Variants in FBXL7 observed in about 807,000 individuals in gnomAD.
The protein encoded by FBXL7 is F-box/LRR-repeat protein 7.
In FBXL7, 12 loss-of-function variants were observed where a neutral mutation model predicts 38.3. The ratio of observed to expected loss-of-function variants is 0.31; its 90% confidence interval spans 0.20 to 0.51. The LOEUF (loss-of-function observed/expected upper bound fraction) is 0.51, where lower values mean the gene tolerates loss of function less well. Among genes scored for constraint, FBXL7 ranks in the 20% least tolerant of loss-of-function variants. The probability of loss-of-function intolerance (pLI) is 0.98; values close to 1 mark genes in which losing one functional copy is unlikely to be tolerated. For synonymous variants in FBXL7, 297 were observed against 300.9 expected (o/e 0.99, Z 0.13); for missense variants, 567 against 676.4 (o/e 0.84, Z 1.79).
In FBXL7 at chr5:15,555,823, G is replaced by A. The variant is rs1327094164; in HGVS notation, c.37+55110G>A. Among the ~76,000 whole-genome samples, 14 of 107,252 alleles carry A rather than the reference G, an allele frequency of 1.3e-4. 1 individual carries two copies. The South Asian group carries it at 4.0e-3, about 31-fold the overall frequency. 70.4% of individuals were successfully genotyped at this position (107,252 alleles called of 152,430 possible). On this transcript the variant is annotated intron_variant, in intron 1 of 3. Transcript: ENST00000504595. ...GATAGATAGATAGATAGATAGATAGGTGATAGATGAAAGATAGACACAGCA... is the reference window on the plus strand; with the variant it reads ...GATAGATAGATAGATAGATAGATAGATGATAGATGAAAGATAGACACAGCA...
At chr5:15,781,645 C>T (rs1736996131) in intron 2 of FBXL7, among the ~76,000 whole-genome samples, 1 of 151,838 alleles carries the variant, frequency 6.6e-6, no homozygotes, top group Admixed American at 6.6e-5. Context: ...AGCATTCAAG[C>T]TTTTAAAGTA....
intron 2 of FBXL7, among the ~76,000 whole-genome samples, chr5:15,651,689 A>G (rs12657658): frequency 6.6e-6 from 1 of 152,242 alleles, no homozygotes; most frequent in Non-Finnish European, 1.5e-5. Flanking sequence ...TAAATTTAGC[A>G]TAATTCATCA....
At chr5:15,914,162 G>A (rs972613040) in intron 2 of FBXL7, among the ~76,000 whole-genome samples, 2 of 152,016 alleles carry the variant, frequency 1.3e-5, no homozygotes, top group South Asian at 2.1e-4. Flanking sequence ...CGAGGCGGGC[G>A]GATCTCGAGG....
At chr5:15,634,532 G>C (rs1409026796) in intron 2 of FBXL7, among the ~76,000 whole-genome samples, 1 of 151,620 alleles carries the variant, frequency 6.6e-6, no homozygotes, top group Non-Finnish European at 1.5e-5. Context: ...CTAGGGCCAG[G>C]CTGGTGTCGA....
At chr5:15,801,634 A>T (rs906347564) in intron 2 of FBXL7, among the ~76,000 whole-genome samples, 25 of 147,788 alleles carry the variant, frequency 1.7e-4, no homozygotes, top group Non-Finnish European at 2.2e-4. Flanking sequence ...AGGGGGAGTC[A>T]GTGTGTGTGT....
intron 2 of FBXL7, among the ~76,000 whole-genome samples, chr5:15,885,054 G>T (rs187433820): frequency 7.8e-4 from 119 of 152,266 alleles, no homozygotes; most frequent in South Asian, 1.4e-3. Context: ...ACTGCTTGGC[G>T]CCAGCTGCAT....
At chr5:15,568,123 T>G (rs1171952935) in intron 1 of FBXL7, among the ~76,000 whole-genome samples, 139 of 152,114 alleles carry the variant, frequency 9.1e-4, no homozygotes, top group African/African-American at 2.7e-3. Flanking sequence ...GTAATGGGAT[T>G]GCTGGGTCAA....
At chr5:15,833,128 C>T (rs777992537) in intron 2 of FBXL7, among the ~76,000 whole-genome samples, 8 of 152,066 alleles carry the variant, frequency 5.3e-5, no homozygotes. Context: ...TTGTAAATTG[C>T]GTCAGTCTCG....
intron 2 of FBXL7, among the ~76,000 whole-genome samples, chr5:15,633,739 A>ATCTTAT (rs1741073154): frequency 1.4e-5 from 2 of 143,428 alleles, no homozygotes; most frequent in Non-Finnish European, 1.5e-5. Context: ...AGGGACACAG[A>ATCTTAT]TATTATTATT....
chr5:15,708,316 C>G (rs953689937), intron 2 of FBXL7, among the ~76,000 whole-genome samples: 5 of 152,220 alleles, frequency 3.3e-5, no homozygotes, highest in Admixed American at 3.3e-4. Flanking sequence ...GGGTCTCTCA[C>G]TGGGTTCCCA....
At chr5:15,596,842 G>C (rs1739637965) in intron 1 of FBXL7, among the ~76,000 whole-genome samples, 1 of 152,194 alleles carries the variant, frequency 6.6e-6, no homozygotes, top group Admixed American at 6.5e-5. Flanking sequence ...TGCACCCAGA[G>C]AGGGCATGGA....
Position 15,817,101 on chromosome 5 carries a change from G to A in FBXL7, c.128-110789G>A, listed in dbSNP as rs542394411. Among the ~76,000 whole-genome samples the A allele has an allele frequency of 1.2e-4, 18 of 152,214 alleles. No homozygotes were observed. In the South Asian group the frequency reaches 1.7e-3, roughly 14 times the overall value. On this transcript the variant is annotated intron_variant, in intron 2 of 3. Transcript: ENST00000504595. ...TTCTACTATAAACTTTGGACAAATCGTTTACTCTGACTGAACCCCAGTTTT... is the reference window on the plus strand; with the variant it reads ...TTCTACTATAAACTTTGGACAAATCATTTACTCTGACTGAACCCCAGTTTT...
At chr5:15,926,897 C>T (rs571810708) in intron 2 of FBXL7, among the ~76,000 whole-genome samples, 5 of 152,074 alleles carry the variant, frequency 3.3e-5, no homozygotes, top group South Asian at 2.1e-4. Context: ...GTGTCCTCTG[C>T]GCCTACTCAC....
chr5:15,584,650 A>G (rs1739250958), intron 1 of FBXL7, among the ~76,000 whole-genome samples: 1 of 152,212 alleles, frequency 6.6e-6, no homozygotes, highest in African/African-American at 2.4e-5. Flanking sequence ...GGGCTCTCCA[A>G]ACTGTTCAAA....
intron 1 of FBXL7, among the ~76,000 whole-genome samples, chr5:15,532,451 T>C (rs552408121): frequency 6.6e-6 from 1 of 152,256 alleles, no homozygotes; most frequent in Non-Finnish European, 1.5e-5. Flanking sequence ...ATTTCTAAGA[T>C]GATTCCATGA....
chr5:15,534,340 C>T (rs1431789276), intron 1 of FBXL7, among the ~76,000 whole-genome samples: 1 of 143,532 alleles, frequency 7.0e-6, no homozygotes, highest in Non-Finnish European at 1.5e-5. Flanking sequence ...CTCTCCCTAA[C>T]TCCTTGGCAA....
intron 1 of FBXL7, among the ~76,000 whole-genome samples, chr5:15,544,396 C>G (rs1014049958): frequency 1.3e-5 from 2 of 152,174 alleles, no homozygotes. Flanking sequence ...ACTGGCACAG[C>G]GTTATGTGAT....
intron 1 of FBXL7, among the ~76,000 whole-genome samples, chr5:15,556,952 T>G (rs1300733511): frequency 6.6e-6 from 1 of 152,206 alleles, no homozygotes; most frequent in Non-Finnish European, 1.5e-5. Flanking sequence ...GATTGTGGTT[T>G]TTTTTGAAGG....
At chr5:15,770,055 T>C (rs1487752810) in intron 2 of FBXL7, among the ~76,000 whole-genome samples, 2 of 152,212 alleles carry the variant, frequency 1.3e-5, no homozygotes, top group African/African-American at 4.8e-5. Context: ...TATAATTTAA[T>C]GATCCATATG....
Sources: gnomAD v4.1 joint callset for allele counts (sites outside exome capture counted in the v4.1 genomes callset) on GRCh38, gnomAD v4.1.1 for gene constraint, MANE v1.5 for transcripts, NCBI Gene and HGNC (gene_info 2026-07-23, HGNC 2026-07-21) for gene names.